The following LCP2 variants were observed in gnomAD, a reference collection of about 807,000 sequenced individuals.
The protein encoded by LCP2 is 76 kDa tyrosine phosphoprotein.
A neutral mutation model predicts 74.5 loss-of-function variants in LCP2; 29 were observed. The ratio of observed to expected loss-of-function variants is 0.39; its 90% confidence interval spans 0.29 to 0.53. The LOEUF (loss-of-function observed/expected upper bound fraction) is 0.53, where lower values mean the gene tolerates loss of function less well. LCP2 is among the 20% of genes least tolerant of loss of function. The probability of loss-of-function intolerance (pLI) is 0.72; values close to 1 mark genes in which losing one functional copy is unlikely to be tolerated. For synonymous variants in LCP2, 228 were observed against 229.5 expected (o/e 0.99, Z 0.06); for missense variants, 604 against 634.6 (o/e 0.95, Z 0.52).
chr5:170,252,278 T>C (rs528925755), intron 19 of LCP2, 156 bp downstream of exon 19: 36 of 458,366 alleles, frequency 7.9e-5, no homozygotes, highest in African/African-American at 6.4e-4. Flanking sequence ...TGGGTGCTGG[T>C]AGTTGTGAAG....
At chr5:170,260,741 G>C (rs979715804) in intron 14 of LCP2, among the ~76,000 whole-genome samples, 1 of 152,210 alleles carries the variant, frequency 6.6e-6, no homozygotes, top group Non-Finnish European at 1.5e-5. Flanking sequence ...GGTTGTGGAA[G>C]TATTGAAAAG....
intron 10 of LCP2, among the ~76,000 whole-genome samples, chr5:170,263,588 C>T (rs191671377): frequency 1.3e-5 from 2 of 152,268 alleles, no homozygotes; most frequent in East Asian, 1.9e-4. Context: ...TCTTCTAGAA[C>T]GGATGATATT....
At chr5:170,262,797 C>T in intron 12 of LCP2, 45 bp downstream of exon 12, 2 of 1,613,834 alleles carry the variant, frequency 1.2e-6, no homozygotes, top group Non-Finnish European at 1.7e-6. Context: ...AGGCAGAGTT[C>T]TACAGAACGT....
intron 3 of LCP2, among the ~76,000 whole-genome samples, chr5:170,277,074 TAAAAAAAA>T (rs750930541): frequency 5.5e-5 from 5 of 91,134 alleles, no homozygotes; most frequent in African/African-American, 2.3e-4. Context: ...GACTCCATCT[TAAAAAAAA>T]AAAAAAAAAA....
chr5:170,259,066 A>G (rs1761610329), intron 14 of LCP2, among the ~76,000 whole-genome samples, 188 bp from the exon 15 acceptor site: 1 of 152,214 alleles, frequency 6.6e-6, no homozygotes, highest in South Asian at 2.1e-4. Flanking sequence ...ATTTCTTAAT[A>G]CAAACAGTCA....
At chr5:170,290,980 GAAAGAAAGAA>G (rs1561979086) in intron 2 of LCP2, among the ~76,000 whole-genome samples, 17 of 89,998 alleles carry the variant, frequency 1.9e-4, no homozygotes, top group African/African-American at 8.1e-4. Flanking sequence ...AAGAAAGAAA[GAAAGAAAGAA>G]AGAAAGAAAG....
In LCP2 at chr5:170,248,448, C is replaced by T. The variant is rs1761348628; in HGVS notation, c.*249G>A. ...TAATCTTTTAAAAAATGAATTATTACAGTGCACTACTAGACTTCAAGTGTG... is the reference window on the plus strand; with the variant it reads ...TAATCTTTTAAAAAATGAATTATTATAGTGCACTACTAGACTTCAAGTGTG... On this transcript the variant is annotated 3_prime_UTR_variant, in exon 21 of 21. Transcript: ENST00000046794. 2.9e-6 allele frequency: 1 copy of T among 344,788 alleles called. No homozygotes were observed. The highest frequency in any genetic ancestry group is 5.1e-5 in the Admixed American group (1 of 19,686). The allele number at this position is 344,788 out of a possible 1,614,324, so 21.4% of individuals were successfully genotyped here. A position where few individuals can be genotyped will look rare whatever the true frequency, so the allele number is the denominator to read the frequency against.
intron 2 of LCP2, among the ~76,000 whole-genome samples, chr5:170,290,968 G>GAAAGAAAGAAAGA (rs1762280885): frequency 8.0e-5 from 2 of 24,998 alleles, no homozygotes; most frequent in African/African-American, 3.1e-4. Flanking sequence ...AAGAAAGAAA[G>GAAAGAAAGAAAGA]AAAGAAAGAA....
chr5:170,291,774 C>A (rs1294964518), intron 2 of LCP2, among the ~76,000 whole-genome samples: 1 of 152,208 alleles, frequency 6.6e-6, no homozygotes, highest in Non-Finnish European at 1.5e-5. Flanking sequence ...GTCGTAGGCA[C>A]CATCCTCAAA....
intron 6 of LCP2, among the ~76,000 whole-genome samples, chr5:170,272,021 C>A (rs1761904276): frequency 6.6e-6 from 1 of 152,172 alleles, no homozygotes; most frequent in Admixed American, 6.5e-5. Context: ...TTTGTCCTGC[C>A]CTGTCAGGGT....
rs1762409862 is a variant in LCP2, at chr5:170,297,444, C to T, written c.78+90G>A. 7.7e-6 allele frequency: 9 copies of T among 1,166,280 alleles called. No homozygotes were observed. The South Asian group carries it at 9.8e-5, about 13-fold the overall frequency. 72.2% of individuals were successfully genotyped at this position (1,166,280 alleles called of 1,614,324 possible). ...GTTCCATTGCTATCTTATACACCTC[C>T]CACATTCTGCCCCAATTCCATCGTC... On this transcript the variant is annotated intron_variant, in intron 1 of 20. Transcript: ENST00000046794.
intron 9 of LCP2, 26 bp downstream of exon 9, chr5:170,266,983 C>G (rs1761772792): frequency 6.2e-7 from 1 of 1,613,630 alleles, no homozygotes; most frequent in African/African-American, 1.3e-5. Context: ...GGGAACAGGG[C>G]AAGAGAGAGC....
chr5:170,288,873 A>G (rs1417142348), intron 2 of LCP2, among the ~76,000 whole-genome samples: 1 of 152,130 alleles, frequency 6.6e-6, no homozygotes, highest in East Asian at 1.9e-4. Context: ...AGGTGAAAGG[A>G]GGCATCTGGA....
chr5:170,291,226 AAAGG>A (rs1331302490), intron 2 of LCP2, among the ~76,000 whole-genome samples: 2 of 52,914 alleles, frequency 3.8e-5, no homozygotes, highest in Non-Finnish European at 8.9e-5. Flanking sequence ...AGGAAGGAAG[AAAGG>A]AAGGAAGGAA....
chr5:170,261,407 G>GTGTGTA (rs150577805), intron 13 of LCP2, among the ~76,000 whole-genome samples: 3,895 of 146,194 alleles, frequency 0.027, 85 homozygotes, highest in African/African-American at 0.063. Context: ...GTGTGTGTGT[G>GTGTGTA]TATATATATA....
chr5:170,274,955 C>T (rs189670802), intron 5 of LCP2, among the ~76,000 whole-genome samples: 402 of 144,998 alleles, frequency 2.8e-3, no homozygotes, highest in African/African-American at 9.9e-3. Flanking sequence ...CCAGCCTGGG[C>T]GACAGAGCGA....
At chr5:170,287,701 T>G in intron 3 of LCP2, 10 of 513,080 alleles carry the variant, frequency 1.9e-5, no homozygotes, top group East Asian at 3.4e-5. Context: ...AAGCACCCCA[T>G]GAGAAGAGAG....
Position 170,270,836 on chromosome 5 carries a change from C to G in LCP2, c.406G>C (p.Glu136Gln). ...TCCGCGTCATCTTCCACGGGTGCCT[C>G]TTCCTCCTCATTGGGGGACTCATAG... ...GDYESPNEEE[E>Q]APVEDDADYE... Residue 136 changes from glutamate to glutamine, a missense_variant, in exon 7 of 21, where the codon GAG (glutamate) becomes CAG (glutamine). Physicochemically the swap from Glu to Gln is conservative, Grantham distance 29 (BLOSUM62 2). Transcript: ENST00000046794. The G allele has an allele frequency of 6.2e-7, 1 of 1,612,564 alleles. No individual in the cohort carries two copies. Among genetic ancestry groups the G allele is most frequent in the Non-Finnish European group, 8.5e-7 (1 of 1,179,236 alleles).
chr5:170,280,969 A>C (rs1348835223), intron 3 of LCP2, among the ~76,000 whole-genome samples: 2 of 152,166 alleles, frequency 1.3e-5, no homozygotes, highest in Non-Finnish European at 2.9e-5. Context: ...GCGCCACTGC[A>C]CTCCAGTCTG....
Sources: allele counts gnomAD v4.1 joint callset (sites outside exome capture counted in the v4.1 genomes callset), GRCh38; gene constraint gnomAD v4.1.1; transcripts MANE v1.5; gene names NCBI Gene and HGNC (gene_info 2026-07-23, HGNC 2026-07-21).